ANKRD28: variants seen among roughly 807,000 people sequenced by gnomAD.
ANKRD28 encodes the protein ankyrin repeat domain 28.
ANKRD28 carries 44 observed loss-of-function variants against 126.5 expected under a neutral mutation model. The observed-to-expected ratio is 0.35, with a 90% CI of 0.27 to 0.45. The LOEUF (loss-of-function observed/expected upper bound fraction) is 0.45, where lower values mean the gene tolerates loss of function less well. Ranked by LOEUF, ANKRD28 falls within the 20% of genes least tolerant of loss-of-function variation. The probability of loss-of-function intolerance (pLI) is 1.00; values close to 1 mark genes in which losing one functional copy is unlikely to be tolerated. For missense variants in ANKRD28, 1,110 were observed against 1,316.6 expected, an observed-to-expected ratio of 0.84 and a Z score of 2.43; for synonymous variants, 442 against 468.5, an observed-to-expected ratio of 0.94 and a Z score of 0.73.
intron 6 of ANKRD28, among the ~76,000 whole-genome samples, chr3:15,731,196 G>T (rs1457406338): frequency 6.6e-6 from 1 of 152,104 alleles, no homozygotes; most frequent in African/African-American, 2.4e-5. Flanking sequence ...ACACTTAGCG[G>T]GTGAGAAACA....
chr3:15,799,043 T>G (rs2060396778), upstream of ANKRD28, among the ~76,000 whole-genome samples: 1 of 152,078 alleles, frequency 6.6e-6, no homozygotes, highest in Non-Finnish European at 1.5e-5. Context: ...TTGTATAAAT[T>G]AATAAAGTTG....
chr3:15,778,874 C>A (rs2125675937), intron 2 of ANKRD28, among the ~76,000 whole-genome samples: 1 of 152,230 alleles, frequency 6.6e-6, no homozygotes. Flanking sequence ...GGGGGCAGTT[C>A]CCCCATGCTA....
At chr3:15,771,020 A>G (rs994109056) in intron 2 of ANKRD28, among the ~76,000 whole-genome samples, 10 of 152,214 alleles carry the variant, frequency 6.6e-5, no homozygotes, top group African/African-American at 2.4e-4. Context: ...ACATTGTATC[A>G]GTCTGTTTTG....
intron 1 of ANKRD28, among the ~76,000 whole-genome samples, chr3:15,810,103 A>C (rs1341571674): frequency 6.6e-6 from 1 of 152,248 alleles, no homozygotes; most frequent in Non-Finnish European, 1.5e-5. Flanking sequence ...GCAAAAAGTT[A>C]TAAAATAAGA....
chr3:15,729,082 G>A (rs1482596259), intron 6 of ANKRD28, among the ~76,000 whole-genome samples: 2 of 152,158 alleles, frequency 1.3e-5, no homozygotes, highest in Admixed American at 6.5e-5. Context: ...GTAATTAAAT[G>A]CTCCAGCCCA....
rs984711485 is a variant in ANKRD28 at position 15,788,766 on chromosome 3, G to A, written c.201+6457C>T. Among the ~76,000 whole-genome samples the A allele has an allele frequency of 7.9e-5, 12 of 152,070 alleles. No individual in the cohort carries two copies. In the East Asian group the frequency reaches 1.9e-3, roughly 24 times the overall value. Reference sequence around the variant, plus strand: ...GAAAGGCATTTATTATTTTGGTCACGAAAATCTAGAAACACAAATGAAAGC... The same window carrying A: ...GAAAGGCATTTATTATTTTGGTCACAAAAATCTAGAAACACAAATGAAAGC... On this transcript the variant is annotated intron_variant, in intron 2 of 27. Transcript: ENST00000683139.
chr3:15,676,853 T>G (rs917976043), intron 26 of ANKRD28, 121 bp downstream of exon 26: 3 of 700,992 alleles, frequency 4.3e-6, no homozygotes, highest in Non-Finnish European at 6.9e-6. Flanking sequence ...GTTGTAAAAC[T>G]ATTAAAATTG....
At chr3:15,720,456 A>C (rs748469699) in intron 8 of ANKRD28, among the ~76,000 whole-genome samples, 8 of 152,214 alleles carry the variant, frequency 5.3e-5, no homozygotes, top group Non-Finnish European at 1.2e-4. Context: ...ACCTCTAAAC[A>C]CAACATTAAC....
chr3:15,716,092 C>T (rs562421130), intron 8 of ANKRD28, among the ~76,000 whole-genome samples: 4 of 151,194 alleles, frequency 2.6e-5, no homozygotes, highest in Admixed American at 1.3e-4. Flanking sequence ...AAGTGATTCT[C>T]CTGCCTCAGC....
intron 2 of ANKRD28, among the ~76,000 whole-genome samples, chr3:15,768,547 C>T (rs544702356): frequency 1.3e-4 from 19 of 151,996 alleles, no homozygotes; most frequent in Middle Eastern, 6.8e-3. Flanking sequence ...CCTAGGTACT[C>T]GGCAGGCTGA....
At chr3:15,763,180 G>C (rs574471764) in intron 3 of ANKRD28, among the ~76,000 whole-genome samples, 1 of 152,198 alleles carries the variant, frequency 6.6e-6, no homozygotes, top group African/African-American at 2.4e-5. Flanking sequence ...AGCCTAACTG[G>C]TAAGTCTAAA....
rs560009849 is a variant in ANKRD28 at position 15,747,730 on chromosome 3, T to C, written c.351+4020A>G. Among the ~76,000 whole-genome samples, 11 of 152,330 alleles carry C rather than the reference T, an allele frequency of 7.2e-5. No individual in the cohort carries two copies. In the East Asian group the frequency reaches 1.9e-3, roughly 27 times the overall value. On this transcript the variant is annotated intron_variant, in intron 4 of 27. Coordinates refer to ENST00000683139, the MANE Select transcript of ANKRD28 (RefSeq NM_001349278.2). The stretch of plus-strand genomic sequence containing the variant: ...AGTCCATTTGTTGTAGGGCATAGTT[T>C]AGGTCCATTGTTTCTTTGTTGACTT...
At chr3:15,703,678 A>T (rs569319367) in intron 14 of ANKRD28, among the ~76,000 whole-genome samples, 2 of 152,354 alleles carry the variant, frequency 1.3e-5, no homozygotes, top group South Asian at 4.1e-4. Context: ...TTGTTATACC[A>T]GTCCAAACAG....
In ANKRD28 at chr3:15,830,321, C is replaced by G. The variant is rs1382095497; in HGVS notation, c.27+29056G>C. ...TCTCTTAGACCAGGGTCCCTAACCC[C>G]TGGACTGAGGACTGCTAGCCATTCA... is the stretch of plus-strand genomic sequence containing the variant. On this transcript the variant is annotated intron_variant, in intron 1 of 27. Transcript: ENST00000399451. This position sits in a 1 kb window ranked among gnomAD's most constrained non-coding sequence, Gnocchi z 4.5. Among the ~76,000 whole-genome samples the G allele has an allele frequency of 6.6e-6, 1 of 152,182 alleles. No individual in the cohort carries two copies. The highest frequency in any genetic ancestry group is 1.5e-5 in the Non-Finnish European group (1 of 68,042).
upstream of ANKRD28, among the ~76,000 whole-genome samples, chr3:15,801,947 A>C (rs1559556422): frequency 6.6e-6 from 1 of 152,188 alleles, no homozygotes; most frequent in Non-Finnish European, 1.5e-5. The surrounding 1 kb of genome is among the most constrained non-coding windows in gnomAD (Gnocchi z 4.9). Context: ...TCGTAATAAT[A>C]AATTGTTAAC....
At chr3:15,702,398 C>T (rs1021971878) in intron 14 of ANKRD28, among the ~76,000 whole-genome samples, 21 of 152,144 alleles carry the variant, frequency 1.4e-4, no homozygotes, top group African/African-American at 5.1e-4. Flanking sequence ...TGCACATTAA[C>T]ACATGTTCAT....
At position 15,678,282 on chromosome 3, in the gene ANKRD28, T is replaced by G. The variant is rs1439639744; in HGVS notation, c.2634A>C (p.Gln878His). 6.2e-7 allele frequency: 1 copy of G among 1,613,268 alleles called. No homozygotes were observed. Among genetic ancestry groups the G allele is most frequent in the East Asian group, 2.2e-5 (1 of 44,860 alleles). ...CLQLLLSHNA[Q>H]VNSVDSTGKT... ...TCCCTGTAGAGTCCACAGAATTGACTTGAGCATTATGGCTGAGCAGCAGCT... is the reference window on the plus strand; with the variant it reads ...TCCCTGTAGAGTCCACAGAATTGACGTGAGCATTATGGCTGAGCAGCAGCT... The change falls in exon 24 of 28, where the codon CAA becomes CAC. Residue 878 changes from glutamine (Q) to histidine (H), a missense_variant. Gln to His is a conservative substitution (Grantham distance 24). Transcript: ENST00000683139.
At chr3:15,777,105 C>A (rs1328086980) in intron 2 of ANKRD28, among the ~76,000 whole-genome samples, 1 of 152,002 alleles carries the variant, frequency 6.6e-6, no homozygotes, top group African/African-American at 2.4e-5. Context: ...GAAACCCCAT[C>A]TCTACAAAAA....
chr3:15,738,176 C>T (rs1002641145), intron 4 of ANKRD28, among the ~76,000 whole-genome samples: 2 of 152,082 alleles, frequency 1.3e-5, no homozygotes, highest in Non-Finnish European at 2.9e-5. Flanking sequence ...GAACCTGCCC[C>T]CAATAATTCA....
Sources: gnomAD v4.1 joint callset for allele counts (sites outside exome capture counted in the v4.1 genomes callset) on GRCh38, gnomAD v4.1.1 for gene constraint, Gnocchi (gnomAD v3.1) non-coding constraint, MANE v1.5 for transcripts, NCBI Gene and HGNC (gene_info 2026-07-23, HGNC 2026-07-21) for gene names.